The following ORC5 variants were observed in gnomAD, a reference collection of about 807,000 sequenced individuals.
ORC5 encodes origin recognition complex subunit 5, also known as protein phosphatase 1, regulatory subunit 117.
A neutral mutation model predicts 58.8 loss-of-function variants in ORC5; 39 were observed. That is an observed-to-expected ratio of 0.66 (90% confidence interval 0.51 to 0.87). The LOEUF (loss-of-function observed/expected upper bound fraction) is 0.87, where lower values mean the gene tolerates loss of function less well. Among genes scored for constraint, ORC5 ranks in the 40% least tolerant of loss-of-function variants. The pLI is 0.00. For missense variants in ORC5, 493 were observed against 506.3 expected (o/e 0.97, Z 0.25); for synonymous variants, 218 against 177.6 (o/e 1.23, Z -1.81).
intron 13 of ORC5, among the ~76,000 whole-genome samples, chr7:104,134,699 G>GT (rs1280180805): frequency 6.6e-6 from 1 of 152,082 alleles, no homozygotes; most frequent in East Asian, 1.9e-4. Flanking sequence ...ACAACTAGAG[G>GT]TAAGTCCAGG....
rs369442169 is a variant in ORC5, at chr7:104,143,752, T to A, written c.1150-6859A>T. 1.4e-4 allele frequency among the ~76,000 whole-genome samples: 22 copies of A among 152,260 alleles called. No individual in the cohort carries two copies. The East Asian group carries it at 3.5e-3, about 24-fold the overall frequency. On this transcript the variant is annotated intron_variant, in intron 12 of 13. Coordinates refer to ENST00000297431, the MANE Select transcript of ORC5 (RefSeq NM_002553.4). ...GTGAAAATCACTGAAAAACTCAACA[T>A]AAAAATATTCATATATATAAATTGT...
At chr7:104,163,320 C>G (rs1799054289) in intron 11 of ORC5, among the ~76,000 whole-genome samples, 1 of 152,182 alleles carries the variant, frequency 6.6e-6, no homozygotes, top group Admixed American at 6.5e-5. Flanking sequence ...AAACTACTTG[C>G]AAGCCTAGTC....
At chr7:104,160,192 A>G (rs2115847034) in intron 12 of ORC5, among the ~76,000 whole-genome samples, 1 of 152,298 alleles carries the variant, frequency 6.6e-6, no homozygotes, top group Non-Finnish European at 1.5e-5. Flanking sequence ...GAAAATTGAG[A>G]TTATATTTGT....
chr7:104,147,019 C>T (rs1485757465), intron 12 of ORC5, among the ~76,000 whole-genome samples: 3 of 152,064 alleles, frequency 2.0e-5, no homozygotes, highest in Non-Finnish European at 4.4e-5. Context: ...ACACTGATAA[C>T]GTACTCAAAA....
In ORC5 at chr7:104,165,241, G is replaced by C; in HGVS notation, c.1032C>G (p.His344Gln). The change falls in exon 11 of 14, where the codon CAC becomes CAG. Residue 344 changes from histidine to glutamine, a missense_variant. Physicochemically the swap from His to Gln is conservative, Grantham distance 24. Transcript: ENST00000297431. ...KIKKTNFLKK[H>Q]EKTSNHLLGP... The stretch of plus-strand genomic sequence containing the variant: ...GAAATTAAAATGTAAATACCTTTTC[G>C]TGTTTTTTTAGAAAGTTGGTTTTCT... 2.0e-6 allele frequency: 3 copies of C among 1,487,230 alleles called. No homozygotes were observed. Among genetic ancestry groups the C allele is most frequent in the South Asian group, 2.4e-5 (2 of 82,500 alleles). 92.1% of individuals were successfully genotyped at this position (1,487,230 alleles called of 1,614,324 possible). A position where few individuals can be genotyped will look rare whatever the true frequency, so the allele number is the denominator to read the frequency against.
intron 8 of ORC5, among the ~76,000 whole-genome samples, chr7:104,181,661 G>A (rs948247164): frequency 1.3e-5 from 2 of 151,954 alleles, no homozygotes; most frequent in Non-Finnish European, 2.9e-5. Context: ...GTGTGGTGGT[G>A]GGCACCTGTA....
intron 2 of ORC5, among the ~76,000 whole-genome samples, chr7:104,201,207 G>C (rs1253376900): frequency 6.6e-6 from 1 of 152,152 alleles, no homozygotes; most frequent in African/African-American, 2.4e-5. Context: ...TTTGGATATT[G>C]ATTTCCTTGA....
intron 6 of ORC5, 68 bp downstream of exon 6, chr7:104,188,183 C>T (rs1799590055): frequency 1.8e-6 from 2 of 1,081,244 alleles, no homozygotes; most frequent in Non-Finnish European, 2.6e-6. Flanking sequence ...TACATATATA[C>T]ACATATATGT....
chr7:104,162,410 C>T (rs997329317), intron 11 of ORC5, among the ~76,000 whole-genome samples: 5 of 152,208 alleles, frequency 3.3e-5, no homozygotes, highest in African/African-American at 4.8e-5. Context: ...AATCTGCCCA[C>T]CTTGGCCTCC....
chr7:104,129,913 C>G lies in ORC5; in HGVS notation c.1263-3020G>C, dbSNP rs194841. Among the ~76,000 whole-genome samples the G allele has an allele frequency of 0.55, 83,295 of 151,940 alleles. 24,344 individuals are homozygous for G. Among genetic ancestry groups the G allele is most frequent in the East Asian group, 0.75 (3,888 of 5,178 alleles). Reference sequence around the variant, plus strand: ...CAGAATTTAGAATACGTTAATACAACTTAATTATATGGCATATATTTAAGG... The same window carrying G: ...CAGAATTTAGAATACGTTAATACAAGTTAATTATATGGCATATATTTAAGG... On this transcript the variant is annotated intron_variant, in intron 13 of 13. Coordinates refer to ENST00000297431, the MANE Select transcript of ORC5 (RefSeq NM_002553.4). The surrounding 1 kb of genome is among the most constrained non-coding windows in gnomAD (Gnocchi z 4.9).
chr7:104,159,270 T>C (rs1001988396), intron 12 of ORC5, among the ~76,000 whole-genome samples: 2 of 127,984 alleles, frequency 1.6e-5, no homozygotes, highest in Non-Finnish European at 3.1e-5. Context: ...AGGTGGGAAT[T>C]GAACAATGAG....
chr7:104,128,782 A>G (rs1798469260), intron 13 of ORC5, among the ~76,000 whole-genome samples: 1 of 150,714 alleles, frequency 6.6e-6, no homozygotes, highest in African/African-American at 2.4e-5. Flanking sequence ...CACGGACAGA[A>G]AAGGCAAGTG....
rs749362199 is a variant in ORC5 at position 104,136,927 on chromosome 7, A to C, written c.1150-34T>G. ...GAACATTTTTATAAGAAACTGTTTT[A>C]ATAAGATTATGTAATACTTTTGTTT... is the stretch of plus-strand genomic sequence containing the variant. On this transcript the variant is annotated intron_variant, in intron 12 of 13. Transcript: ENST00000297431. The surrounding 1 kb of genome is among the most constrained non-coding windows in gnomAD (Gnocchi z 4.2). The C allele has an allele frequency of 7.2e-7, 1 of 1,394,706 alleles. No homozygotes were observed. The highest frequency in any genetic ancestry group is 1.0e-6 in the Non-Finnish European group (1 of 980,978). 86.4% of individuals were successfully genotyped at this position (1,394,706 alleles called of 1,614,324 possible).
At chr7:104,132,079 A>C (rs1379717792) in intron 13 of ORC5, among the ~76,000 whole-genome samples, 1 of 152,130 alleles carries the variant, frequency 6.6e-6, no homozygotes, top group African/African-American at 2.4e-5. Context: ...TCTTTGCTAC[A>C]TCTACTTTCT....
chr7:104,199,354 C>T (rs1184959890), intron 3 of ORC5, among the ~76,000 whole-genome samples: 4 of 152,128 alleles, frequency 2.6e-5, no homozygotes, highest in Non-Finnish European at 5.9e-5. Flanking sequence ...TGGAGCTGCA[C>T]AAGGCCATGG....
At chr7:104,191,196 T>C (rs987972422) in intron 5 of ORC5, among the ~76,000 whole-genome samples, 3 of 150,476 alleles carry the variant, frequency 2.0e-5, no homozygotes, top group Non-Finnish European at 3.0e-5. Context: ...TTAAATATAA[T>C]GTCACTAAGT....
At position 104,183,132 on chromosome 7, in the gene ORC5, T is replaced by C. The variant is rs375163072; in HGVS notation, c.824+811A>G. On this transcript the variant is annotated intron_variant, in intron 8 of 13. Transcript: ENST00000297431. ...CCTGGGCAACAAGAGCGAAACTACG[T>C]CTCAAAAAACAATTTCTGCAGAAGT... Among the ~76,000 whole-genome samples, 99 of 152,124 alleles carry C rather than the reference T, an allele frequency of 6.5e-4. 2 individuals are homozygous for C. Among genetic ancestry groups the C allele is most frequent in the Admixed American group, 2.3e-3 (35 of 15,280 alleles).
chr7:104,190,845 T>C (rs1799658284), intron 5 of ORC5, among the ~76,000 whole-genome samples: 1 of 152,066 alleles, frequency 6.6e-6, no homozygotes, highest in Non-Finnish European at 1.5e-5. Flanking sequence ...CCCAGTAAGT[T>C]AGTATTTTTA....
chr7:104,158,046 A>G (rs955698532), intron 12 of ORC5, among the ~76,000 whole-genome samples: 1 of 152,168 alleles, frequency 6.6e-6, no homozygotes, highest in Non-Finnish European at 1.5e-5. Flanking sequence ...ACATTTCTGT[A>G]TAATAAACAT....
Sources: gnomAD v4.1 joint callset for allele counts (sites outside exome capture counted in the v4.1 genomes callset) on GRCh38, gnomAD v4.1.1 for gene constraint, Gnocchi (gnomAD v3.1) non-coding constraint, MANE v1.5 for transcripts, NCBI Gene and HGNC (gene_info 2026-07-23, HGNC 2026-07-21) for gene names.